The following NFKB1 variants were observed in gnomAD, a reference collection of about 807,000 sequenced individuals.
The protein encoded by NFKB1 is nuclear factor NF-kappa-B p105 subunit.
A neutral mutation model predicts 105.1 loss-of-function variants in NFKB1; 9 were observed. The observed-to-expected ratio is 0.09, with a 90% CI of 0.05 to 0.15. The LOEUF is 0.15. Among genes scored for constraint, NFKB1 ranks in the 10% least tolerant of loss-of-function variants. The pLI is 1.00. For synonymous variants in NFKB1, 440 were observed against 442.2 expected (o/e 1.00, Z 0.06); for missense variants, 830 against 1,203.7 (o/e 0.69, Z 4.59).
At chr4:102,555,073 G>T (rs1367138691) in intron 5 of NFKB1, among the ~76,000 whole-genome samples, 1 of 152,148 alleles carries the variant, frequency 6.6e-6, no homozygotes, top group Non-Finnish European at 1.5e-5. Flanking sequence ...AAGCAGAGGA[G>T]TTAGTAAAAT....
intron 11 of NFKB1, among the ~76,000 whole-genome samples, chr4:102,588,526 A>G (rs930152899): frequency 2.6e-5 from 4 of 152,200 alleles, no homozygotes; most frequent in African/African-American, 9.6e-5. Flanking sequence ...ATAATCTTTA[A>G]ATTATGAAAG....
In NFKB1 at chr4:102,606,905, G is replaced by A. The variant is rs533102536; in HGVS notation, c.1954+208G>A. Reference sequence around the variant, plus strand: ...GAATAGTTAGTAGGAGGAGAAAGCAGAGGCCTGAGTAAAGATTCATCTTGA... The same window carrying A: ...GAATAGTTAGTAGGAGGAGAAAGCAAAGGCCTGAGTAAAGATTCATCTTGA... On this transcript the variant is annotated intron_variant, in intron 17 of 23. Coordinates refer to ENST00000226574, the MANE Select transcript of NFKB1 (RefSeq NM_003998.4). Among the ~76,000 whole-genome samples the A allele has an allele frequency of 7.2e-5, 11 of 152,334 alleles. No homozygotes were observed. The South Asian group carries it at 2.3e-3, about 32-fold the overall frequency.
intron 6 of NFKB1, among the ~76,000 whole-genome samples, chr4:102,576,501 A>G (rs1724832646): frequency 6.6e-6 from 1 of 152,166 alleles, no homozygotes; most frequent in African/African-American, 2.4e-5. Flanking sequence ...AAACCAAAAC[A>G]TTCTTCCAAG....
chr4:102,576,159 A>G (rs568593189), intron 6 of NFKB1, among the ~76,000 whole-genome samples: 1 of 152,226 alleles, frequency 6.6e-6, no homozygotes. Flanking sequence ...GAGATAAAAG[A>G]TTCTCCATCC....
In NFKB1 at chr4:102,597,593, A is replaced by G. The variant is rs374982272; in HGVS notation, c.1569A>G (p.Thr523=). The G allele has an allele frequency of 7.4e-6, 12 of 1,613,884 alleles. No individual in the cohort carries two copies. The highest frequency in any genetic ancestry group is 1.0e-5 in the Non-Finnish European group (12 of 1,179,938). Residue 523 remains threonine (T), a synonymous_variant, in exon 15 of 24, where the codon ACA becomes ACG. Transcript: ENST00000226574. The stretch of plus-strand genomic sequence containing the variant: ...ATGCCCTTTTCGACTACGCGGTGAC[A>G]GGAGACGTGAAGATGCTGCTGGCCG... ...HANALFDYAV[T]GDVKMLLAVQ...
At chr4:102,524,816 C>T (rs186476763) in intron 1 of NFKB1, among the ~76,000 whole-genome samples, 365 of 152,188 alleles carry the variant, frequency 2.4e-3, no homozygotes, top group Non-Finnish European at 3.3e-3. Context: ...GGTTTATGCT[C>T]CTATGAGAAT....
chr4:102,587,132 G>A (rs767156709), intron 11 of NFKB1, among the ~76,000 whole-genome samples: 1 of 152,168 alleles, frequency 6.6e-6, no homozygotes, highest in Non-Finnish European at 1.5e-5. Flanking sequence ...AAATAGGGGT[G>A]AAGGGCCCTG....
In NFKB1 at chr4:102,529,575, C is replaced by T. The variant is rs548382591; in HGVS notation, c.40-261C>T. On this transcript the variant is annotated intron_variant, in intron 2 of 23. Coordinates refer to ENST00000226574, the MANE Select transcript of NFKB1 (RefSeq NM_003998.4). ...AGCAAGCTAGACCAGGTCCCTGCCT[C>T]TGGGGACTTTATAGCCAAGTTATGC... is the stretch of plus-strand genomic sequence containing the variant. Among the ~76,000 whole-genome samples, 3 of 152,314 alleles carry T rather than the reference C, an allele frequency of 2.0e-5. No homozygotes were observed. In the South Asian group the frequency reaches 6.2e-4, roughly 32 times the overall value.
intron 6 of NFKB1, among the ~76,000 whole-genome samples, chr4:102,573,315 A>C (rs1724543934): frequency 6.6e-6 from 1 of 152,200 alleles, no homozygotes; most frequent in East Asian, 1.9e-4. Context: ...TCTCAAAAAA[A>C]AAGAATTATA....
At chr4:102,549,422 CTT>C (rs1269424600) in intron 5 of NFKB1, among the ~76,000 whole-genome samples, 1 of 147,954 alleles carries the variant, frequency 6.8e-6, no homozygotes, top group Non-Finnish European at 1.5e-5. Flanking sequence ...ATGTATAAAA[CTT>C]ATGTTGTAAG....
intron 1 of NFKB1, among the ~76,000 whole-genome samples, chr4:102,507,148 C>T (rs980172070): frequency 2.0e-5 from 3 of 151,344 alleles, no homozygotes; most frequent in Non-Finnish European, 2.9e-5. Flanking sequence ...ACTGTAAAGC[C>T]GTCATTGTTG....
At chr4:102,545,160 G>A (rs1160312933) in intron 5 of NFKB1, among the ~76,000 whole-genome samples, 1 of 152,106 alleles carries the variant, frequency 6.6e-6, no homozygotes, top group Non-Finnish European at 1.5e-5. Flanking sequence ...CTCCTCCACA[G>A]ACAAGTTGTT....
intron 1 of NFKB1, among the ~76,000 whole-genome samples, chr4:102,523,169 G>A (rs1393543442): frequency 6.6e-6 from 1 of 152,186 alleles, no homozygotes; most frequent in Admixed American, 6.5e-5. Context: ...CACACAGCCA[G>A]CATGATAGAA....
At position 102,507,125 on chromosome 4, in the gene NFKB1, C is replaced by G. The variant is rs960827604; in HGVS notation, c.-8+5337C>G. Among the ~76,000 whole-genome samples, 90 of 151,436 alleles carry G rather than the reference C, an allele frequency of 5.9e-4. 1 individual carries two copies. The highest frequency in any genetic ancestry group is 2.1e-3 in the African/African-American group (87 of 41,434). ...TGAGAAAGAAATTAAATGTTAACATCTATAACAATTGCACTGTAAAGCCGT... is the reference window on the plus strand; with the variant it reads ...TGAGAAAGAAATTAAATGTTAACATGTATAACAATTGCACTGTAAAGCCGT... On this transcript the variant is annotated intron_variant, in intron 1 of 23. Transcript: ENST00000226574.
intron 11 of NFKB1, among the ~76,000 whole-genome samples, chr4:102,590,064 C>T (rs943840465): frequency 6.6e-6 from 1 of 152,166 alleles, no homozygotes; most frequent in Non-Finnish European, 1.5e-5. Context: ...GCCCCAGTAT[C>T]TCATCAGTCA....
chr4:102,578,047 C>G, intron 7 of NFKB1: 20 of 933,398 alleles, frequency 2.1e-5, no homozygotes, highest in Non-Finnish European at 2.6e-5. Context: ...CGTTTTGCCC[C>G]TTCAGGTCAA....
chr4:102,613,629 G>C, intron 23 of NFKB1, 48 bp downstream of exon 23: 1 of 1,578,832 alleles, frequency 6.3e-7, no homozygotes, highest in Non-Finnish European at 8.6e-7. Context: ...AGCTCCCCCA[G>C]GCTGGTGTCT....
At chr4:102,560,596 T>G (rs1723342819) in intron 5 of NFKB1, among the ~76,000 whole-genome samples, 1 of 152,162 alleles carries the variant, frequency 6.6e-6, no homozygotes, top group Admixed American at 6.6e-5. Flanking sequence ...ATGCCATTAA[T>G]AGTGGGTCAA....
chr4:102,502,388 G>GGGCA (rs1553925898), intron 1 of NFKB1, among the ~76,000 whole-genome samples: 3 of 96,802 alleles, frequency 3.1e-5, no homozygotes, highest in African/African-American at 2.2e-4. Context: ...GCGCGCGCGC[G>GGGCA]CGCACACACA....
Sources: gnomAD v4.1 joint callset for allele counts (sites outside exome capture counted in the v4.1 genomes callset) on GRCh38, gnomAD v4.1.1 for gene constraint, MANE v1.5 for transcripts, NCBI Gene and HGNC (gene_info 2026-07-23, HGNC 2026-07-21) for gene names.